The following SS18 variants were observed in gnomAD, a reference collection of about 807,000 sequenced individuals.
The protein encoded by SS18 is SS18 subunit of BAF chromatin remodeling complex, also known as protein SSXT.
Under a neutral mutation model 72.5 loss-of-function variants are expected in SS18, and 28 were observed. The ratio of observed to expected loss-of-function variants is 0.39; its 90% confidence interval spans 0.29 to 0.53. The LOEUF is 0.53. Among genes scored for constraint, SS18 ranks in the 20% least tolerant of loss-of-function variants. The pLI is 0.76. For missense variants in SS18, 518 were observed against 535.3 expected (o/e 0.97, Z 0.32); for synonymous variants, 172 against 164.2 (o/e 1.05, Z -0.37).
intron 3 of SS18, among the ~76,000 whole-genome samples, chr18:26,076,130 T>A (rs1283772578): frequency 2.0e-5 from 3 of 151,872 alleles, no homozygotes; most frequent in Non-Finnish European, 4.4e-5. Flanking sequence ...TGTAAAGATA[T>A]CAAGTCTTCC....
intron 1 of SS18, among the ~76,000 whole-genome samples, chr18:26,089,352 G>A (rs1325425527): frequency 6.6e-6 from 1 of 152,188 alleles, no homozygotes; most frequent in Non-Finnish European, 1.5e-5. Context: ...AGCACTATAT[G>A]AAAGCACTGC....
intron 3 of SS18, among the ~76,000 whole-genome samples, chr18:26,073,395 G>T (rs183679763): frequency 1.6e-4 from 24 of 151,940 alleles, no homozygotes; most frequent in Admixed American, 6.6e-4. Flanking sequence ...CAGAAGAACA[G>T]AAAAAAATAT....
chr18:26,040,290 T>G (rs760348604), intron 5 of SS18, among the ~76,000 whole-genome samples: 4 of 152,160 alleles, frequency 2.6e-5, no homozygotes, highest in African/African-American at 9.7e-5. Context: ...CAATAAACAA[T>G]GGCCATAAAG....
At chr18:26,048,045 G>A (rs1244165526) in intron 5 of SS18, among the ~76,000 whole-genome samples, 1 of 152,160 alleles carries the variant, frequency 6.6e-6, no homozygotes, top group Non-Finnish European at 1.5e-5. Flanking sequence ...ACAAAGTTAT[G>A]CAACCTGACT....
At chr18:26,046,254 A>G (rs1361816134) in intron 5 of SS18, among the ~76,000 whole-genome samples, 1 of 142,036 alleles carries the variant, frequency 7.0e-6, no homozygotes, top group Non-Finnish European at 1.5e-5. Flanking sequence ...ACTGAGAATT[A>G]AAGTGTTTCA....
rs900417396 is a variant in SS18 at position 26,040,466 on chromosome 18, C to T, written c.608-1010G>A. Among the ~76,000 whole-genome samples, 14 of 152,236 alleles carry T rather than the reference C, an allele frequency of 9.2e-5. No individual in the cohort carries two copies. The East Asian group carries it at 2.7e-3, about 29-fold the overall frequency. ...ATATAGCTACATACTCCTCCTCCCC[C>T]TTGAGTGACATGGAGAAAATTTAAG... On this transcript the variant is annotated intron_variant, in intron 5 of 10. Coordinates refer to ENST00000415083, the MANE Select transcript of SS18 (RefSeq NM_001007559.3).
In SS18 at chr18:26,031,167, C is replaced by T. The variant is rs74405070; in HGVS notation, c.1230+1232G>A. Among the ~76,000 whole-genome samples the T allele has an allele frequency of 1.1e-4, 17 of 152,306 alleles. No homozygotes were observed. The East Asian group carries it at 1.3e-3, about 12-fold the overall frequency. ...CCTGCCTTTAAATACTCACTAGCCA[C>T]GACTTATTTCACTTCTAAAACTTAA... On this transcript the variant is annotated intron_variant, in intron 10 of 10. Coordinates refer to ENST00000415083, the MANE Select transcript of SS18 (RefSeq NM_001007559.3).
chr18:26,018,468 C>T (rs1008356021), intron 10 of SS18, 88 bp from the exon 11 acceptor site: 15 of 1,076,944 alleles, frequency 1.4e-5, no homozygotes, highest in Non-Finnish European at 1.9e-5. Context: ...CTAACACTGT[C>T]ATACCACAAA....
intron 5 of SS18, among the ~76,000 whole-genome samples, chr18:26,050,611 A>G (rs1055207595): frequency 2.0e-5 from 3 of 152,118 alleles, no homozygotes; most frequent in Non-Finnish European, 4.4e-5. Context: ...ACACTGTATA[A>G]CTTTCTTTTT....
At chr18:26,077,785 T>G (rs1568029620) in intron 3 of SS18, among the ~76,000 whole-genome samples, 1 of 152,166 alleles carries the variant, frequency 6.6e-6, no homozygotes. Flanking sequence ...TGTCTGGGAC[T>G]TGCTGTGAAA....
intron 5 of SS18, among the ~76,000 whole-genome samples, chr18:26,044,615 C>G (rs2053788203): frequency 1.3e-5 from 2 of 152,032 alleles, no homozygotes; most frequent in South Asian, 4.2e-4. Flanking sequence ...TGAGCCACCA[C>G]ACCTGGCCAA....
intron 4 of SS18, among the ~76,000 whole-genome samples, chr18:26,054,673 A>G (rs1451802945): frequency 6.6e-6 from 1 of 152,084 alleles, no homozygotes; most frequent in Non-Finnish European, 1.5e-5. Flanking sequence ...TATCATTTGT[A>G]CTTTAAAAAA....
intron 5 of SS18, among the ~76,000 whole-genome samples, chr18:26,041,435 A>C (rs921719775): frequency 5.9e-5 from 9 of 152,186 alleles, no homozygotes; most frequent in Admixed American, 2.0e-4. Context: ...AAAAACCAAA[A>C]CAAAACAAAA....
intron 3 of SS18, among the ~76,000 whole-genome samples, chr18:26,073,220 T>A (rs927702034): frequency 6.6e-6 from 1 of 152,158 alleles, no homozygotes; most frequent in Non-Finnish European, 1.5e-5. Context: ...TGTATTTTTA[T>A]CAACCAATGC....
At chr18:26,079,210 T>C (rs1368307989) in intron 2 of SS18, 1 of 152,198 alleles carries the variant, frequency 6.6e-6, no homozygotes, top group East Asian at 1.9e-4. Flanking sequence ...TTTAAGAAAA[T>C]AAAGCAAATT....
chr18:26,071,368 G>A (rs944343473), intron 3 of SS18, among the ~76,000 whole-genome samples: 1 of 152,114 alleles, frequency 6.6e-6, no homozygotes, highest in Admixed American at 6.5e-5. Flanking sequence ...CCTAGACAAA[G>A]CAAAACTCTT....
intron 3 of SS18, among the ~76,000 whole-genome samples, chr18:26,065,799 C>CTATATATATATATATATATATA (rs2054202000): frequency 7.7e-5 from 1 of 13,060 alleles, no homozygotes; most frequent in Non-Finnish European, 1.7e-4. Flanking sequence ...GCCTACAAAT[C>CTATATATATATATATATATATA]CATATATATA....
At position 26,051,093 on chromosome 18, in the gene SS18, T is replaced by C. The variant is rs2053914757; in HGVS notation, c.607+1531A>G. On this transcript the variant is annotated intron_variant, in intron 5 of 10. Transcript: ENST00000415083. ...GGCTCATGCCTGTAATCCCAGGACT[T>C]TGGGAGGCCAAGGCAGGTGATCACT... 1.3e-5 allele frequency among the ~76,000 whole-genome samples: 2 copies of C among 151,956 alleles called. 1 individual carries two copies. The highest frequency in any genetic ancestry group is 4.2e-4 in the South Asian group (2 of 4,810).
At chr18:26,055,076 C>T (rs2053992790) in intron 4 of SS18, among the ~76,000 whole-genome samples, 2 of 152,224 alleles carry the variant, frequency 1.3e-5, no homozygotes, top group South Asian at 4.1e-4. Context: ...AAACCAATGC[C>T]TCTCTAGAAC....
Sources: gnomAD v4.1 joint callset for allele counts (sites outside exome capture counted in the v4.1 genomes callset) on GRCh38, gnomAD v4.1.1 for gene constraint, MANE v1.5 for transcripts, NCBI Gene and HGNC (gene_info 2026-07-23, HGNC 2026-07-21) for gene names.